XRN1: variants seen among roughly 807,000 people sequenced by gnomAD.
The protein encoded by XRN1 is 5'-3' exoribonuclease 1, also known as strand-exchange protein 1 homolog.
Under a neutral mutation model 222.3 loss-of-function variants are expected in XRN1, and 67 were observed. That is an observed-to-expected ratio of 0.30 (90% confidence interval 0.25 to 0.37). The LOEUF (loss-of-function observed/expected upper bound fraction) is 0.37, where lower values mean the gene tolerates loss of function less well. XRN1 is among the 10% of genes least tolerant of loss of function. The probability of loss-of-function intolerance (pLI) is 1.00; values close to 1 mark genes in which losing one functional copy is unlikely to be tolerated. For missense variants in XRN1, 1,707 were observed against 2,000.2 expected, an observed-to-expected ratio of 0.85 and a Z score of 2.80; for synonymous variants, 643 against 652.4, an observed-to-expected ratio of 0.99 and a Z score of 0.22.
At chr3:142,397,797 A>G (rs896200982) in intron 19 of XRN1, among the ~76,000 whole-genome samples, 1 of 152,200 alleles carries the variant, frequency 6.6e-6, no homozygotes, top group African/African-American at 2.4e-5. Flanking sequence ...AATTTAGTGT[A>G]TATTTGAAAA....
intron 16 of XRN1, 83 bp from the exon 17 acceptor site, chr3:142,404,072 G>C (rs947909828): frequency 3.4e-6 from 4 of 1,180,502 alleles, no homozygotes; most frequent in African/African-American, 1.6e-5. Flanking sequence ...TGTATATTTC[G>C]TAAGAGTCAT....
At chr3:142,340,126 T>C (rs1477384132) in intron 33 of XRN1, among the ~76,000 whole-genome samples, 1 of 151,966 alleles carries the variant, frequency 6.6e-6, no homozygotes, top group Non-Finnish European at 1.5e-5. Flanking sequence ...GAGGCCGAGG[T>C]AGGTGGATCA....
Position 142,421,034 on chromosome 3 carries a change from C to T in XRN1, c.1155G>A (p.Lys385=), listed in dbSNP as rs909104252. Residue 385 remains lysine, a synonymous_variant, in exon 10 of 41, where the codon AAG becomes AAA. Transcript: ENST00000392981. ...GVAAEEARNY[K]EKKKLKGQEN... ...TAGACACCTTTAACTTTTTCTTTTC[C>T]TTGTAGTTCCTGGCTTCTTCTGCTG... The T allele has an allele frequency of 6.2e-7, 1 of 1,613,830 alleles. No individual in the cohort carries two copies. The highest frequency in any genetic ancestry group is 1.1e-5 in the South Asian group (1 of 91,046).
At chr3:142,428,889 C>T (rs1305764334) in intron 2 of XRN1, among the ~76,000 whole-genome samples, 1 of 152,064 alleles carries the variant, frequency 6.6e-6, no homozygotes, top group Non-Finnish European at 1.5e-5. Context: ...TTGGAGTCAT[C>T]AGCAGAGACA....
chr3:142,383,387 G>A lies in XRN1; in HGVS notation c.2529C>T (p.Phe843=), dbSNP rs751380603. The A allele has an allele frequency of 6.2e-7, 1 of 1,613,816 alleles. No individual in the cohort carries two copies. Among genetic ancestry groups the A allele is most frequent in the South Asian group, 1.1e-5 (1 of 91,022 alleles). The change falls in exon 22 of 41, where the codon TTC becomes TTT. Residue 843 remains phenylalanine (F), a synonymous_variant. Transcript: ENST00000392981. ...VKDIRAFDSR[F]SNIKTLDDLF... is the part of the protein sequence containing the mutation. ...AATCATCCAATGTTTTGATATTGGA[G>A]AAACGGGAGTCGAAAGCTCGGATGT...
rs753656990 is a variant in XRN1, at chr3:142,355,505, G to A, written c.3673-9C>T. ...TCATCTTTAGTAGGTACCTAGCAAA[G>A]TACAAACAATTTCTTGAGAAAATGA... On this transcript the variant is annotated splice_polypyrimidine_tract_variant and intron_variant, in intron 31 of 40. Transcript: ENST00000392981. 2.0e-6 allele frequency: 3 copies of A among 1,517,216 alleles called. No homozygotes were observed. Among genetic ancestry groups the A allele is most frequent in the African/African-American group, 1.4e-5 (1 of 71,710 alleles). 94.0% of individuals were successfully genotyped at this position (1,517,216 alleles called of 1,614,324 possible).
At chr3:142,440,067 G>C (rs2070131854) in intron 1 of XRN1, among the ~76,000 whole-genome samples, 1 of 152,140 alleles carries the variant, frequency 6.6e-6, no homozygotes, top group Admixed American at 6.5e-5. Flanking sequence ...GAAAGCGCCA[G>C]CCCATGCCAT....
intron 10 of XRN1, among the ~76,000 whole-genome samples, chr3:142,419,267 G>C (rs1189305520): frequency 6.6e-6 from 1 of 151,950 alleles, no homozygotes; most frequent in East Asian, 1.9e-4. Flanking sequence ...TTACTGACAG[G>C]TAAGTTTTGT....
intron 3 of XRN1, 51 bp from the exon 4 acceptor site, chr3:142,425,589 A>G: frequency 6.9e-7 from 1 of 1,457,036 alleles, no homozygotes; most frequent in Non-Finnish European, 9.5e-7. Context: ...TAAAAACATT[A>G]AGTTCTCAGT....
chr3:142,387,072 T>C (rs1274477122), intron 20 of XRN1, among the ~76,000 whole-genome samples: 1 of 152,148 alleles, frequency 6.6e-6, no homozygotes, highest in Non-Finnish European at 1.5e-5. Context: ...ACAACTCAAA[T>C]ATCCATCCAC....
At chr3:142,342,101 T>A (rs541421376) in intron 33 of XRN1, among the ~76,000 whole-genome samples, 1 of 152,242 alleles carries the variant, frequency 6.6e-6, no homozygotes, top group Non-Finnish European at 1.5e-5. Flanking sequence ...ATAAATTCAG[T>A]AAAGTTTCAG....
intron 32 of XRN1, among the ~76,000 whole-genome samples, chr3:142,353,103 T>C (rs576780716): frequency 6.6e-6 from 1 of 152,358 alleles, no homozygotes. Flanking sequence ...TATTTGTTCA[T>C]TCATATTTAA....
chr3:142,433,781 T>C (rs1041137508), intron 1 of XRN1, among the ~76,000 whole-genome samples: 1 of 152,208 alleles, frequency 6.6e-6, no homozygotes, highest in Non-Finnish European at 1.5e-5. Context: ...AATTTTTTCC[T>C]TGTATAAACA....
chr3:142,406,633 CCT>C (rs1327467210), intron 15 of XRN1, among the ~76,000 whole-genome samples: 1 of 152,070 alleles, frequency 6.6e-6, no homozygotes, highest in East Asian at 1.9e-4. Flanking sequence ...CTCAAGTGAT[CCT>C]CTCACTTCAG....
At chr3:142,420,907 G>T in intron 10 of XRN1, 109 bp downstream of exon 10, 1 of 1,406,674 alleles carries the variant, frequency 7.1e-7, no homozygotes, top group Non-Finnish European at 9.9e-7. Flanking sequence ...GAGAGGAAGA[G>T]AAATAAAACG....
Position 142,320,191 on chromosome 3 carries a change from A to G in XRN1, c.4405-1288T>C, listed in dbSNP as rs149689012. On this transcript the variant is annotated intron_variant, in intron 37 of 40. Coordinates refer to ENST00000392981, the MANE Select transcript of XRN1 (RefSeq NM_001282857.2). ...GTTGTACTAATTTATATTCCAACCA[A>G]CAGTGTATAAACACTCCCTTTTTGC... 5.3e-5 allele frequency among the ~76,000 whole-genome samples: 8 copies of G among 152,354 alleles called. No individual in the cohort carries two copies. The East Asian group carries it at 1.3e-3, about 26-fold the overall frequency.
intron 1 of XRN1, among the ~76,000 whole-genome samples, chr3:142,440,250 C>T (rs2108203349): frequency 6.6e-6 from 1 of 152,246 alleles, no homozygotes; most frequent in Middle Eastern, 3.4e-3. Flanking sequence ...CTTCTCCCAG[C>T]CACTAAGTTG....
chr3:142,425,250 T>C lies in XRN1; in HGVS notation c.599A>G (p.His200Arg), dbSNP rs199863878. The stretch of plus-strand genomic sequence containing the variant: ...GTCAGCATCTAAACCATAAAGACAG[T>C]GTCTGGTGTTTGGATCATGATCTGG... ...AKPDHDPNTR[H>R]CLYGLDADLI... Residue 200 changes from histidine to arginine, a missense_variant, in exon 5 of 41, where the codon CAC becomes CGC. His to Arg is a conservative substitution (Grantham distance 29, BLOSUM62 0). Transcript: ENST00000392981. 11 of 1,600,782 alleles carry C rather than the reference T, an allele frequency of 6.9e-6. No homozygotes were observed. Among genetic ancestry groups the C allele is most frequent in the South Asian group, 1.1e-5 (1 of 87,930 alleles).
intron 16 of XRN1, 98 bp from the exon 17 acceptor site, chr3:142,404,087 G>T: frequency 9.4e-7 from 1 of 1,058,210 alleles, no homozygotes; most frequent in Non-Finnish European, 1.4e-6. Context: ...AGTCATCCTT[G>T]CTTTTAAAGA....
Sources: gnomAD v4.1 joint callset for allele counts (sites outside exome capture counted in the v4.1 genomes callset) on GRCh38, gnomAD v4.1.1 for gene constraint, MANE v1.5 for transcripts, NCBI Gene and HGNC (gene_info 2026-07-23, HGNC 2026-07-21) for gene names.